Variants in CSMD1 observed in about 807,000 individuals in gnomAD.
CSMD1 encodes the protein CUB and Sushi multiple domains 1.
In CSMD1, 213 loss-of-function variants were observed where a neutral mutation model predicts 417.5. The ratio of observed to expected loss-of-function variants is 0.51; its 90% CI spans 0.46 to 0.57. The LOEUF is 0.57. Among genes scored for constraint, CSMD1 ranks in the 20% least tolerant of loss-of-function variants. CSMD1 has a pLI of 0.00. For synonymous variants in CSMD1, 2,862 were observed against 1,736.8 expected (o/e 1.65, Z -16.11); for missense variants, 6,923 against 4,529.7 (o/e 1.53, Z -15.17).
intron 5 of CSMD1, among the ~76,000 whole-genome samples, chr8:3,874,393 C>G (rs1002957854): frequency 5.3e-5 from 8 of 152,184 alleles, no homozygotes; most frequent in African/African-American, 1.9e-4. Flanking sequence ...TTTTCAGTGA[C>G]TCCTACAGTC....
At chr8:3,055,190 A>C (rs1812133938) in intron 49 of CSMD1, among the ~76,000 whole-genome samples, 1 of 152,200 alleles carries the variant, frequency 6.6e-6, no homozygotes, top group Admixed American at 6.5e-5. Flanking sequence ...TCACAAAACA[A>C]TTCATACTCG....
chr8:3,401,430 C>G (rs1285697587), intron 15 of CSMD1, among the ~76,000 whole-genome samples: 2 of 152,060 alleles, frequency 1.3e-5, no homozygotes, highest in Non-Finnish European at 2.9e-5. Context: ...ATGTTAGAAC[C>G]TGAATTGCTT....
intron 41 of CSMD1, among the ~76,000 whole-genome samples, chr8:3,132,261 T>C (rs1045035878): frequency 1.3e-5 from 2 of 152,128 alleles, no homozygotes; most frequent in Non-Finnish European, 2.9e-5. Context: ...TATGACATTA[T>C]TTTACAAAAC....
At chr8:3,349,800 AATAG>A (rs1444218880) in intron 21 of CSMD1, among the ~76,000 whole-genome samples, 2 of 87,626 alleles carry the variant, frequency 2.3e-5, no homozygotes, top group Non-Finnish European at 4.6e-5. Context: ...TATATCTATA[AATAG>A]ATATAAATAT....
chr8:3,597,047 C>A (rs1584939419), intron 8 of CSMD1, among the ~76,000 whole-genome samples: 1 of 152,290 alleles, frequency 6.6e-6, no homozygotes, highest in South Asian at 2.1e-4. Flanking sequence ...AGGAGCCCTG[C>A]AAGATATTGG....
Position 4,416,176 on chromosome 8 carries a change from A to G in CSMD1, c.415+3777T>C, listed in dbSNP as rs574070115. ...AAAGCAAGTAGTGATTCTAGTTAAT[A>G]AATACCGGAGTCACTGTTTTGATTC... is the stretch of plus-strand genomic sequence containing the variant. On this transcript the variant is annotated intron_variant, in intron 3 of 69. Coordinates refer to ENST00000635120, the MANE Select transcript of CSMD1 (RefSeq NM_033225.6). Among the ~76,000 whole-genome samples the G allele has an allele frequency of 1.1e-4, 16 of 152,298 alleles. No homozygotes were observed. In the South Asian group the frequency reaches 3.3e-3, roughly 32 times the overall value.
chr8:2,945,048 G>T (rs1002824293), intron 68 of CSMD1, among the ~76,000 whole-genome samples: 1 of 149,546 alleles, frequency 6.7e-6, no homozygotes, highest in Non-Finnish European at 1.5e-5. Flanking sequence ...GTTAATTTCA[G>T]TTACTTGCCT....
intron 3 of CSMD1, among the ~76,000 whole-genome samples, chr8:4,211,011 A>T (rs1269962588): frequency 2.4e-4 from 37 of 152,302 alleles, no homozygotes; most frequent in Non-Finnish European, 1.5e-5. Context: ...ACCACAATGA[A>T]ATAAAAGTTT....
At chr8:3,932,498 G>A (rs891841419) in intron 5 of CSMD1, among the ~76,000 whole-genome samples, 2 of 150,454 alleles carry the variant, frequency 1.3e-5, no homozygotes, top group Non-Finnish European at 3.0e-5. Flanking sequence ...GCTAAGTCTA[G>A]GGAAAGCAGC....
At chr8:4,169,942 G>A (rs1230067914) in intron 3 of CSMD1, among the ~76,000 whole-genome samples, 1 of 151,888 alleles carries the variant, frequency 6.6e-6, no homozygotes, top group Non-Finnish European at 1.5e-5. Flanking sequence ...AAGAGATTTT[G>A]GCTTGCGTGT....
chr8:4,459,345 G>A (rs572658831), intron 2 of CSMD1, among the ~76,000 whole-genome samples: 28 of 152,302 alleles, frequency 1.8e-4, no homozygotes, highest in African/African-American at 6.7e-4. Context: ...AGACAATCAA[G>A]CTCTCACCTC....
intron 40 of CSMD1, among the ~76,000 whole-genome samples, chr8:3,146,146 AG>A (rs1257813195): frequency 6.6e-6 from 1 of 152,176 alleles, no homozygotes; most frequent in African/African-American, 2.4e-5. Flanking sequence ...GTAATTTTGG[AG>A]AGCATTGTGT....
At chr8:4,687,056 A>C (rs1408621839) in intron 1 of CSMD1, among the ~76,000 whole-genome samples, 1 of 152,188 alleles carries the variant, frequency 6.6e-6, no homozygotes, top group Non-Finnish European at 1.5e-5. Flanking sequence ...ATGTCTTCTG[A>C]GGCTGAGCTT....
chr8:3,324,155 G>T (rs1317180646), intron 23 of CSMD1, among the ~76,000 whole-genome samples: 1 of 141,682 alleles, frequency 7.1e-6, no homozygotes, highest in Non-Finnish European at 1.5e-5. Context: ...AACACCCAGA[G>T]ACTCGGGAGG....
intron 2 of CSMD1, among the ~76,000 whole-genome samples, chr8:4,538,747 T>A (rs1797234636): frequency 6.6e-6 from 1 of 152,188 alleles, no homozygotes; most frequent in Non-Finnish European, 1.5e-5. Context: ...AATTATTTGA[T>A]GAAGGGATTT....
chr8:4,825,522 T>G (rs1187979594), intron 1 of CSMD1, among the ~76,000 whole-genome samples: 1 of 152,006 alleles, frequency 6.6e-6, no homozygotes, highest in Non-Finnish European at 1.5e-5. Context: ...TGGCCCCTGG[T>G]AAACACAATT....
At chr8:4,020,801 G>C (rs565349511) in intron 4 of CSMD1, among the ~76,000 whole-genome samples, 1 of 152,286 alleles carries the variant, frequency 6.6e-6, no homozygotes, top group East Asian at 1.9e-4. Context: ...TTTCTTTTGA[G>C]AAAACTTTTT....
intron 1 of CSMD1, among the ~76,000 whole-genome samples, chr8:4,675,823 A>G (rs767872854): frequency 1.3e-5 from 2 of 152,128 alleles, no homozygotes; most frequent in East Asian, 3.9e-4. Flanking sequence ...AGCCAAAGGT[A>G]CTCTAATCAT....
intron 49 of CSMD1, among the ~76,000 whole-genome samples, chr8:3,078,224 T>C (rs1017112598): frequency 1.1e-4 from 16 of 152,232 alleles, no homozygotes; most frequent in African/African-American, 3.9e-4. Flanking sequence ...AAGGTCTTCA[T>C]ATCACTACTA....
Sources: allele counts gnomAD v4.1 joint callset (sites outside exome capture counted in the v4.1 genomes callset), GRCh38; gene constraint gnomAD v4.1.1; transcripts MANE v1.5; gene names NCBI Gene and HGNC (gene_info 2026-07-23, HGNC 2026-07-21).